The following EXOC6B variants were observed in gnomAD, a reference collection of about 807,000 sequenced individuals.
The protein encoded by EXOC6B is exocyst complex component 6B.
Under a neutral mutation model 113.5 loss-of-function variants are expected in EXOC6B, and 54 were observed. The observed-to-expected ratio is 0.48, with a 90% CI of 0.38 to 0.60. The LOEUF (loss-of-function observed/expected upper bound fraction) is 0.60. Ranked by LOEUF, EXOC6B falls within the 20% of genes least tolerant of loss-of-function variation. The pLI is 0.00. For synonymous variants in EXOC6B, 357 were observed against 339.0 expected, an observed-to-expected ratio of 1.05 and a Z score of -0.58; for missense variants, 797 against 977.5, an observed-to-expected ratio of 0.82 and a Z score of 2.46.
chr2:72,397,659 A>ATT (rs199641377), intron 18 of EXOC6B, among the ~76,000 whole-genome samples: 1 of 144,568 alleles, frequency 6.9e-6, no homozygotes, highest in Middle Eastern at 3.5e-3. Context: ...ATAAAATAAA[A>ATT]TTATATATAT....
chr2:72,221,859 G>A (rs568064919), intron 20 of EXOC6B, among the ~76,000 whole-genome samples: 11 of 152,242 alleles, frequency 7.2e-5, no homozygotes, highest in Non-Finnish European at 1.0e-4. Flanking sequence ...TTTGATTGAC[G>A]TTATATCTGA....
intron 20 of EXOC6B, among the ~76,000 whole-genome samples, chr2:72,295,229 CAAAAAA>C (rs547104239): frequency 2.5e-5 from 2 of 78,916 alleles, no homozygotes; most frequent in Non-Finnish European, 5.9e-5. Context: ...GACTCCATCT[CAAAAAA>C]AAAAAAAAAA....
At chr2:72,636,766 A>C (rs145019989) in intron 6 of EXOC6B, among the ~76,000 whole-genome samples, 108 of 152,318 alleles carry the variant, frequency 7.1e-4, no homozygotes, top group African/African-American at 2.6e-3. Context: ...GAACAAAAAG[A>C]TATGCATTCT....
intron 12 of EXOC6B, 108 bp downstream of exon 12, chr2:72,499,793 C>T (rs909901815): frequency 1.4e-6 from 1 of 706,002 alleles, no homozygotes; most frequent in Admixed American, 2.5e-5. Context: ...CTCAGGCTTC[C>T]AAAGAACTAT....
intron 20 of EXOC6B, among the ~76,000 whole-genome samples, chr2:72,198,479 T>A (rs1233502953): frequency 6.6e-6 from 1 of 152,220 alleles, no homozygotes; most frequent in Non-Finnish European, 1.5e-5. Context: ...TTAGATAACG[T>A]TATTGGATCC....
intron 20 of EXOC6B, among the ~76,000 whole-genome samples, chr2:72,318,960 G>A (rs952003320): frequency 1.3e-5 from 2 of 150,834 alleles, no homozygotes; most frequent in Non-Finnish European, 2.9e-5. Flanking sequence ...TAAAACTGAT[G>A]CATGATTATA....
Position 72,561,080 on chromosome 2 carries a change from T to C in EXOC6B, c.847-1559A>G, listed in dbSNP as rs558562149. Among the ~76,000 whole-genome samples the C allele has an allele frequency of 1.2e-3, 179 of 152,180 alleles. 1 individual carries two copies. The highest frequency in any genetic ancestry group is 2.0e-3 in the Non-Finnish European group (137 of 67,944). On this transcript the variant is annotated intron_variant, in intron 7 of 21. Transcript: ENST00000272427. ...TAAAACATCTTTACAGTCTCCTCTT[T>C]CGGACTGCAAAGTAGAGACCCAAAG...
intron 20 of EXOC6B, among the ~76,000 whole-genome samples, chr2:72,232,078 A>G (rs1681659643): frequency 6.6e-6 from 1 of 152,066 alleles, no homozygotes; most frequent in Admixed American, 6.6e-5. Flanking sequence ...GGTTCAAGCG[A>G]TTCTCCTGCC....
intron 1 of EXOC6B, among the ~76,000 whole-genome samples, chr2:72,752,991 G>A (rs1375106439): frequency 6.6e-6 from 1 of 151,896 alleles, no homozygotes; most frequent in East Asian, 1.9e-4. Context: ...TACCCTCAGA[G>A]ATCTCATCAA....
chr2:72,590,749 C>T (rs1346594353), intron 6 of EXOC6B, among the ~76,000 whole-genome samples: 2 of 151,992 alleles, frequency 1.3e-5, no homozygotes, highest in Non-Finnish European at 2.9e-5. Context: ...TGATCAGTAT[C>T]ATTACAGGGA....
At chr2:72,232,796 G>T (rs13403438) in intron 20 of EXOC6B, among the ~76,000 whole-genome samples, 2 of 152,076 alleles carry the variant, frequency 1.3e-5, no homozygotes, top group African/African-American at 4.8e-5. Context: ...ACCCGGGCCA[G>T]GCGCAGTGGC....
chr2:72,574,323 A>C (rs1704695902), intron 7 of EXOC6B, among the ~76,000 whole-genome samples: 1 of 152,150 alleles, frequency 6.6e-6, no homozygotes, highest in Admixed American at 6.5e-5. Context: ...AGAAGTCAGC[A>C]AGGAAGAGTA....
intron 20 of EXOC6B, among the ~76,000 whole-genome samples, chr2:72,240,708 T>C (rs1347157909): frequency 2.6e-5 from 4 of 152,096 alleles, no homozygotes; most frequent in Admixed American, 2.6e-4. Context: ...TGTTATATGC[T>C]ACTATAAAGA....
intron 6 of EXOC6B, among the ~76,000 whole-genome samples, chr2:72,680,592 A>T (rs1264330106): frequency 6.6e-6 from 1 of 152,086 alleles, no homozygotes; most frequent in Non-Finnish European, 1.5e-5. Context: ...TACAAAAATA[A>T]GCTGGGTGTG....
intron 20 of EXOC6B, among the ~76,000 whole-genome samples, chr2:72,264,996 T>C (rs1047639439): frequency 6.6e-6 from 1 of 152,022 alleles, no homozygotes; most frequent in African/African-American, 2.4e-5. Context: ...GTAGCTGCTA[T>C]AAAGATACCT....
At chr2:72,212,337 A>G (rs1479627152) in intron 20 of EXOC6B, among the ~76,000 whole-genome samples, 2 of 152,108 alleles carry the variant, frequency 1.3e-5, no homozygotes, top group African/African-American at 4.8e-5. Context: ...ACTTGTAGAG[A>G]TTTGCGTTAA....
intron 17 of EXOC6B, among the ~76,000 whole-genome samples, chr2:72,468,997 C>T (rs146398949): frequency 1.3e-5 from 2 of 152,184 alleles, no homozygotes; most frequent in East Asian, 3.9e-4. Flanking sequence ...AAGTACACTG[C>T]CTCTGTACAT....
chr2:72,390,790 C>T (rs1315185947), intron 18 of EXOC6B, among the ~76,000 whole-genome samples: 2 of 152,160 alleles, frequency 1.3e-5, no homozygotes, highest in Non-Finnish European at 2.9e-5. Flanking sequence ...ATCCCCACCC[C>T]CATCTCTTCA....
intron 1 of EXOC6B, among the ~76,000 whole-genome samples, chr2:72,750,595 CT>C (rs1442425268): frequency 6.6e-6 from 1 of 152,112 alleles, no homozygotes; most frequent in Admixed American, 6.6e-5. Context: ...TAAAGGGAGA[CT>C]GCAAGTAAAC....
Sources: allele counts gnomAD v4.1 joint callset (sites outside exome capture counted in the v4.1 genomes callset), GRCh38; gene constraint gnomAD v4.1.1; transcripts MANE v1.5; gene names NCBI Gene and HGNC (gene_info 2026-07-23, HGNC 2026-07-21).